The following RSRC1 variants were observed in gnomAD, a reference collection of about 807,000 sequenced individuals.
RSRC1 encodes the protein serine/Arginine-related protein 53.
Under a neutral mutation model 49.1 loss-of-function variants are expected in RSRC1, and 39 were observed. That is an observed-to-expected ratio of 0.79 (90% CI 0.61 to 1.04). RSRC1 has a LOEUF of 1.04. RSRC1 is among the 50% of genes least tolerant of loss of function. RSRC1 has a pLI of 0.00. For missense variants in RSRC1, 388 were observed against 402.4 expected, an observed-to-expected ratio of 0.96 and a Z score of 0.31; for synonymous variants, 143 against 130.8, an observed-to-expected ratio of 1.09 and a Z score of -0.63.
At chr3:158,375,281 C>T (rs1332360130) in intron 6 of RSRC1, among the ~76,000 whole-genome samples, 4 of 151,290 alleles carry the variant, frequency 2.6e-5, no homozygotes, top group Non-Finnish European at 5.9e-5. Flanking sequence ...ACTGCAGCCT[C>T]GACCTCCTGG....
intron 7 of RSRC1, among the ~76,000 whole-genome samples, chr3:158,501,616 T>G (rs778414884): frequency 2.0e-5 from 3 of 152,184 alleles, no homozygotes; most frequent in Non-Finnish European, 2.9e-5. Flanking sequence ...CTCTTCGTCT[T>G]TTTTTAACTG....
intron 6 of RSRC1, among the ~76,000 whole-genome samples, chr3:158,383,381 T>C (rs1560019463): frequency 6.6e-6 from 1 of 152,152 alleles, no homozygotes; most frequent in Admixed American, 6.5e-5. Flanking sequence ...TATTCGAGAA[T>C]ACTGGTATCT....
chr3:158,276,906 C>T (rs1382313969), intron 4 of RSRC1, among the ~76,000 whole-genome samples: 1 of 152,148 alleles, frequency 6.6e-6, no homozygotes, highest in Non-Finnish European at 1.5e-5. Flanking sequence ...CCTATCCCCC[C>T]ATTTCCTAAA....
intron 4 of RSRC1, chr3:158,275,868 C>T (rs1315796174): frequency 1.6e-6 from 1 of 608,746 alleles, no homozygotes; most frequent in Non-Finnish European, 2.9e-6. Flanking sequence ...TGGCTAGAAC[C>T]ACTAATTGTG....
At chr3:158,219,529 T>C (rs1722121594) in intron 4 of RSRC1, among the ~76,000 whole-genome samples, 1 of 151,588 alleles carries the variant, frequency 6.6e-6, no homozygotes, top group Non-Finnish European at 1.5e-5. Context: ...AATACAAATA[T>C]ACATTTGAAA....
chr3:158,267,598 T>C (rs1275767045), intron 4 of RSRC1, among the ~76,000 whole-genome samples: 1 of 152,012 alleles, frequency 6.6e-6, no homozygotes, highest in East Asian at 1.9e-4. Flanking sequence ...TTAAGTTCAC[T>C]GATTTTATTT....
chr3:158,249,360 A>G (rs1489187255), intron 4 of RSRC1, among the ~76,000 whole-genome samples: 1 of 152,170 alleles, frequency 6.6e-6, no homozygotes, highest in Non-Finnish European at 1.5e-5. Flanking sequence ...TATAAATAAA[A>G]TCGCTTACAG....
At chr3:158,449,629 A>G (rs7610813) in intron 6 of RSRC1, among the ~76,000 whole-genome samples, 4 of 151,376 alleles carry the variant, frequency 2.6e-5, no homozygotes, top group African/African-American at 7.3e-5. Context: ...ATATATATAT[A>G]TTTTTATTAT....
chr3:158,353,246 C>T (rs1294512047), intron 5 of RSRC1, among the ~76,000 whole-genome samples: 1 of 152,180 alleles, frequency 6.6e-6, no homozygotes. Context: ...TTCAATTCAT[C>T]CTCAAAAATA....
intron 7 of RSRC1, among the ~76,000 whole-genome samples, chr3:158,464,278 A>G (rs533353790): frequency 2.8e-4 from 42 of 152,230 alleles, no homozygotes; most frequent in African/African-American, 9.4e-4. Flanking sequence ...TATGCATTTA[A>G]GGGTGCTAAT....
intron 5 of RSRC1, among the ~76,000 whole-genome samples, chr3:158,353,090 A>C (rs1476639226): frequency 6.6e-6 from 1 of 152,182 alleles, no homozygotes; most frequent in Admixed American, 6.5e-5. Flanking sequence ...ATAACCAATC[A>C]GTCCTTTTGT....
chr3:158,487,725 G>A (rs968553241), intron 7 of RSRC1, among the ~76,000 whole-genome samples: 62 of 151,800 alleles, frequency 4.1e-4, no homozygotes, highest in Middle Eastern at 3.2e-3. Flanking sequence ...TGAGGTGGGC[G>A]GATCACCTGA....
intron 7 of RSRC1, among the ~76,000 whole-genome samples, chr3:158,536,038 G>T (rs950497417): frequency 6.6e-6 from 1 of 151,280 alleles, no homozygotes; most frequent in Non-Finnish European, 1.5e-5. Flanking sequence ...TTGCTAATTT[G>T]CTAAGTGAGA....
At chr3:158,325,638 A>C (rs1729085600) in intron 5 of RSRC1, among the ~76,000 whole-genome samples, 1 of 152,124 alleles carries the variant, frequency 6.6e-6, no homozygotes, top group African/African-American at 2.4e-5. Flanking sequence ...GTAGCCTTGT[A>C]GTATTGTTTG....
At chr3:158,118,307 G>A (rs1019241699) in intron 1 of RSRC1, among the ~76,000 whole-genome samples, 5 of 151,950 alleles carry the variant, frequency 3.3e-5, no homozygotes, top group Non-Finnish European at 5.9e-5. Context: ...CGGGAGTGCA[G>A]CGGTGCAGTC....
intron 3 of RSRC1, among the ~76,000 whole-genome samples, chr3:158,167,372 G>T (rs1228707581): frequency 1.3e-5 from 2 of 152,006 alleles, no homozygotes; most frequent in Middle Eastern, 3.2e-3. Context: ...TGTGTATTTT[G>T]TAGAAACAGA....
intron 4 of RSRC1, among the ~76,000 whole-genome samples, chr3:158,223,737 A>G (rs147268413): frequency 6.6e-6 from 1 of 151,690 alleles, no homozygotes; most frequent in African/African-American, 2.4e-5. Context: ...TATTTTGGAC[A>G]TTAAAGTACC....
intron 6 of RSRC1, among the ~76,000 whole-genome samples, chr3:158,450,479 T>C (rs1310134831): frequency 6.6e-6 from 1 of 151,958 alleles, no homozygotes; most frequent in South Asian, 2.1e-4. Flanking sequence ...ATTTCCAATA[T>C]TGGACATGAC....
intron 4 of RSRC1, among the ~76,000 whole-genome samples, chr3:158,247,183 G>A (rs1030153484): frequency 6.6e-6 from 1 of 151,976 alleles, no homozygotes; most frequent in Non-Finnish European, 1.5e-5. Context: ...CATTAATACT[G>A]TGATTGAATT....
Sources: allele counts gnomAD v4.1 joint callset (sites outside exome capture counted in the v4.1 genomes callset), GRCh38; gene constraint gnomAD v4.1.1; transcripts MANE v1.5; gene names NCBI Gene and HGNC (gene_info 2026-07-23, HGNC 2026-07-21).